ZFC3H1: variants seen among roughly 807,000 people sequenced by gnomAD.
ZFC3H1 encodes the protein zinc finger C3H1-type containing.
Under a neutral mutation model 243.7 loss-of-function variants are expected in ZFC3H1, and 71 were observed. The ratio of observed to expected loss-of-function variants is 0.29; its 90% CI spans 0.24 to 0.36. The LOEUF (loss-of-function observed/expected upper bound fraction) is 0.36, where lower values mean the gene tolerates loss of function less well. Among genes scored for constraint, ZFC3H1 ranks in the 10% least tolerant of loss-of-function variants. The pLI is 1.00. For synonymous variants in ZFC3H1, 838 were observed against 813.0 expected (o/e 1.03, Z -0.52); for missense variants, 1,966 against 2,317.1 (o/e 0.85, Z 3.11).
intron 28 of ZFC3H1, 94 bp downstream of exon 28, chr12:71,615,112 A>G (rs1800084592): frequency 8.3e-7 from 1 of 1,209,522 alleles, no homozygotes; most frequent in Non-Finnish European, 1.2e-6. Context: ...AATGACTTTA[A>G]CATCAAGTTA....
intron 22 of ZFC3H1, 51 bp downstream of exon 22, chr12:71,626,209 T>TAG: frequency 9.2e-7 from 1 of 1,089,168 alleles, no homozygotes; most frequent in Non-Finnish European, 1.3e-6. Context: ...CAAATAATTA[T>TAG]ACACACACAC....
chr12:71,614,128 G>A (rs1879839088), intron 30 of ZFC3H1, among the ~76,000 whole-genome samples: 1 of 152,092 alleles, frequency 6.6e-6, no homozygotes, highest in Admixed American at 6.5e-5. Flanking sequence ...AAAGAGAGCA[G>A]CTACAATGTA....
chr12:71,662,554 C>T (rs1881211250), intron 1 of ZFC3H1, among the ~76,000 whole-genome samples: 3 of 135,644 alleles, frequency 2.2e-5, no homozygotes, highest in Admixed American at 7.8e-5. Flanking sequence ...AACAGAATCA[C>T]AAAAATAGTG....
chr12:71,633,461 C>G, intron 12 of ZFC3H1, 23 bp from the exon 13 acceptor site: 1 of 1,516,978 alleles, frequency 6.6e-7, no homozygotes, highest in Non-Finnish European at 8.8e-7. Context: ...TAACAAAATT[C>G]TTGTTAATGT....
intron 6 of ZFC3H1, 29 bp downstream of exon 6, chr12:71,642,407 A>C (rs939360336): frequency 6.2e-7 from 1 of 1,601,674 alleles, no homozygotes; most frequent in African/African-American, 1.3e-5. Flanking sequence ...ACATGTAAAT[A>C]CACAAAGGTT....
Position 71,663,624 on chromosome 12 carries a change from C to A in ZFC3H1, c.-14G>T. 6.2e-7 allele frequency: 1 copy of A among 1,604,144 alleles called. No homozygotes were observed. The highest frequency in any genetic ancestry group is 8.5e-7 in the Non-Finnish European group (1 of 1,177,798). On this transcript the variant is annotated 5_prime_UTR_variant, in exon 1 of 35. Coordinates refer to ENST00000378743, the MANE Select transcript of ZFC3H1 (RefSeq NM_144982.5). ...TGCGGTCGCCATCCGGGGAGCAGCG[C>A]CTTCCACACAACCTTAGCCCTCCGT...
rs1267972486 is a variant in ZFC3H1, at chr12:71,633,857, C to T, written c.2510+298G>A. Among the ~76,000 whole-genome samples the T allele has an allele frequency of 2.0e-5, 3 of 152,100 alleles. No homozygotes were observed. In the East Asian group the frequency reaches 5.8e-4, roughly 29 times the overall value. Reference sequence around the variant, plus strand: ...ATTTTTAGTAGAGACAGGGTTTCACCGTGTTGGCCAGGCTAGTCTCAAACT... The same window carrying T: ...ATTTTTAGTAGAGACAGGGTTTCACTGTGTTGGCCAGGCTAGTCTCAAACT... On this transcript the variant is annotated intron_variant, in intron 12 of 34. Coordinates refer to ENST00000378743, the MANE Select transcript of ZFC3H1 (RefSeq NM_144982.5).
chr12:71,617,458 G>A (rs1034103256), intron 27 of ZFC3H1, among the ~76,000 whole-genome samples: 59 of 152,146 alleles, frequency 3.9e-4, no homozygotes, highest in Non-Finnish European at 1.9e-4. Flanking sequence ...AATATATTTG[G>A]AGACAACTCA....
In ZFC3H1 at chr12:71,644,996, T is replaced by C; in HGVS notation, c.1160A>G (p.Gln387Arg). 3.7e-6 allele frequency: 6 copies of C among 1,613,874 alleles called. No individual in the cohort carries two copies. Among genetic ancestry groups the C allele is most frequent in the Non-Finnish European group, 5.1e-6 (6 of 1,180,018 alleles). ...LALQSASKKW[Q>R]QKEQQVMKES... The stretch of plus-strand genomic sequence containing the variant: ...TTTCATCACCTGCTGTTCTTTTTGT[T>C]GCCATTTTTTACTGGCTGACTGAAG... Residue 387 changes from glutamine (Q) to arginine (R), a missense_variant, in exon 4 of 35, where the codon CAA becomes CGA. Coordinates refer to ENST00000378743, the MANE Select transcript of ZFC3H1 (RefSeq NM_144982.5).
Position 71,663,264 on chromosome 12 carries a change from G to A in ZFC3H1, c.347C>T (p.Ser116Phe), listed in dbSNP as rs1467935999. The change falls in exon 1 of 35, where the codon TCT becomes TTT. Residue 116 changes from serine to phenylalanine, a missense_variant. Coordinates refer to ENST00000378743, the MANE Select transcript of ZFC3H1 (RefSeq NM_144982.5). The part of the protein sequence containing the change: ...PKEPFRSHPP[S>F]VRMPSSSLSE... ...CAGTGAGCTCGAAGGCATCCGTACA[G>A]AAGGCGGATGAGACCGGAACGGTTC... is the stretch of plus-strand genomic sequence containing the variant. 5.6e-6 allele frequency: 9 copies of A among 1,613,588 alleles called. No individual in the cohort carries two copies. In the Admixed American group the frequency reaches 1.3e-4, roughly 24 times the overall value.
rs376198856 is a variant in ZFC3H1, at chr12:71,639,126, AAAATAATTGTGTATTTT to A, written c.1628-628_1628-612del. ...CATTTTTCTTCCTTGGTAGCAGATA[AAAATAATTGTGTATTTT>A]ATCTTCAATGACTTGTTAGGCTCAC... On this transcript the variant is annotated intron_variant, in intron 6 of 34. Transcript: ENST00000378743. Among the ~76,000 whole-genome samples, 1,335 of 152,310 alleles carry A rather than the reference AAAATAATTGTGTATTTT, an allele frequency of 8.8e-3. 12 individuals carry two copies. The highest frequency in any genetic ancestry group is 0.015 in the Non-Finnish European group (1,025 of 68,018).
rs1880518265 is a variant in ZFC3H1, at chr12:71,638,428, G to C, written c.1715C>G (p.Pro572Arg). The change falls in exon 7 of 35, where the codon CCT becomes CGT. Residue 572 changes from proline (P) to arginine (R), a missense_variant. By Grantham distance (103) the Pro-to-Arg change is moderately radical (BLOSUM62 -2). Around this residue, in one of 4 missense-constraint regions of ZFC3H1, gnomAD observed 1,383 missense variants for 1,723.7 expected, o/e 0.80. Transcript: ENST00000378743. ...PAPSLSLPPPPQVSSLPPLSQ... is the reference protein window; with the variant it reads ...PAPSLSLPPPRQVSSLPPLSQ... Reference sequence around the variant, plus strand: ...TCAATTCTGACTTACAGAAACCTGAGGTGGTGGAGGCAAAGAAAGAGATGG... The same window carrying C: ...TCAATTCTGACTTACAGAAACCTGACGTGGTGGAGGCAAAGAAAGAGATGG... The C allele has an allele frequency of 6.2e-7, 1 of 1,611,848 alleles. No homozygotes were observed. Among genetic ancestry groups the C allele is most frequent in the Non-Finnish European group, 8.5e-7 (1 of 1,179,274 alleles).
chr12:71,659,758 T>C (rs1254633848), intron 1 of ZFC3H1, among the ~76,000 whole-genome samples: 3 of 152,230 alleles, frequency 2.0e-5, no homozygotes, highest in Non-Finnish European at 4.4e-5. Context: ...GATTTAATTT[T>C]AAGCTTGTCA....
Position 71,623,453 on chromosome 12 carries a change from A to T in ZFC3H1, c.4651T>A (p.Ser1551Thr), listed in dbSNP as rs1329173871. 6.2e-7 allele frequency: 1 copy of T among 1,613,822 alleles called. No individual in the cohort carries two copies. The highest frequency in any genetic ancestry group is 1.1e-5 in the South Asian group (1 of 91,064). The change falls in exon 24 of 35, where the codon TCA becomes ACA. Residue 1551 changes from serine to threonine, a missense_variant. Physicochemically the swap from Ser to Thr is moderately conservative, Grantham distance 58. Around this residue, in one of 4 missense-constraint regions of ZFC3H1, gnomAD observed 1,383 missense variants for 1,723.7 expected, o/e 0.80. Coordinates refer to ENST00000378743, the MANE Select transcript of ZFC3H1 (RefSeq NM_144982.5). ...KFYDPSNDNP[S>T]RIVNTESFVM... ...AATGATTCAGTGTTAACAATTCTTG[A>T]AGGATTATCATTAGATGGATCATAA...
chr12:71,637,107 A>C lies in ZFC3H1; in HGVS notation c.1726-48T>G. 2.7e-6 allele frequency: 4 copies of C among 1,493,218 alleles called. No individual in the cohort carries two copies. The South Asian group carries it at 3.6e-5, about 13-fold the overall frequency. The allele number at this position is 1,493,218 out of a possible 1,614,324, so 92.5% of individuals were successfully genotyped here. ...ATTACAACGCAAATTTTATCAACTC[A>C]AATGCTTCTCTCTGCAGCAATATTA... On this transcript the variant is annotated intron_variant, in intron 7 of 34. Coordinates refer to ENST00000378743, the MANE Select transcript of ZFC3H1 (RefSeq NM_144982.5).
At chr12:71,649,372 A>G (rs961346822) in intron 2 of ZFC3H1, among the ~76,000 whole-genome samples, 5 of 152,218 alleles carry the variant, frequency 3.3e-5, no homozygotes, top group African/African-American at 1.2e-4. Context: ...ATAATAACTC[A>G]TAAGTAGCAA....
In ZFC3H1 at chr12:71,629,729, A is replaced by G. The variant is rs1239385132; in HGVS notation, c.3725-19T>C. On this transcript the variant is annotated intron_variant, in intron 18 of 34. Coordinates refer to ENST00000378743, the MANE Select transcript of ZFC3H1 (RefSeq NM_144982.5). ...TATTTTTCTGAAATAAGAGCAATGC[A>G]ATCTTCATGATAAATATCAATTACA... The G allele has an allele frequency of 3.5e-6, 5 of 1,410,658 alleles. No homozygotes were observed. Among genetic ancestry groups the G allele is most frequent in the Non-Finnish European group, 4.0e-6 (4 of 997,324 alleles). The allele number at this position is 1,410,658 out of a possible 1,614,324, so 87.4% of individuals were successfully genotyped here. A position where few individuals can be genotyped will look rare whatever the true frequency, so the allele number is the denominator to read the frequency against.
intron 27 of ZFC3H1, among the ~76,000 whole-genome samples, chr12:71,617,203 T>C (rs1480054164): frequency 6.6e-6 from 1 of 152,204 alleles, no homozygotes; most frequent in Non-Finnish European, 1.5e-5. Context: ...CATTGACAAC[T>C]TATGAATTTA....
At chr12:71,649,046 G>T (rs1880806556) in intron 2 of ZFC3H1, among the ~76,000 whole-genome samples, 1 of 141,798 alleles carries the variant, frequency 7.1e-6, no homozygotes, top group African/African-American at 2.6e-5. Flanking sequence ...AGCTGAGATT[G>T]TACCACTGTA....
Sources: gnomAD v4.1 joint callset for allele counts (sites outside exome capture counted in the v4.1 genomes callset) on GRCh38, gnomAD v4.1.1 for gene constraint, gnomAD v4.1.1 regional missense constraint, MANE v1.5 for transcripts, NCBI Gene and HGNC (gene_info 2026-07-23, HGNC 2026-07-21) for gene names.